RFX7: variants seen among roughly 807,000 people sequenced by gnomAD.
The protein encoded by RFX7 is DNA-binding protein RFX7.
Under a neutral mutation model 111.8 loss-of-function variants are expected in RFX7, and 26 were observed. The observed-to-expected ratio is 0.23, with a 90% confidence interval of 0.17 to 0.32. The LOEUF (loss-of-function observed/expected upper bound fraction) is 0.32, where lower values mean the gene tolerates loss of function less well. RFX7 is among the 10% of genes least tolerant of loss of function. RFX7 has a pLI of 1.00. For synonymous variants in RFX7, 624 were observed against 624.4 expected (o/e 1.00, Z 0.01); for missense variants, 1,573 against 1,772.9 (o/e 0.89, Z 2.02).
intron 2 of RFX7, among the ~76,000 whole-genome samples, chr15:56,202,171 C>T (rs893088636): frequency 7.2e-5 from 11 of 152,076 alleles, no homozygotes; most frequent in Non-Finnish European, 1.0e-4. Flanking sequence ...TATCACTTCG[C>T]GGGAGAAGTG....
intron 3 of RFX7, among the ~76,000 whole-genome samples, chr15:56,171,446 G>C (rs1156881915): frequency 6.6e-6 from 1 of 152,016 alleles, no homozygotes; most frequent in African/African-American, 2.4e-5. Flanking sequence ...CTACAAAAAA[G>C]AGCCCTGTCA....
chr15:56,183,544 T>C (rs553710857), intron 2 of RFX7, among the ~76,000 whole-genome samples: 1 of 152,302 alleles, frequency 6.6e-6, no homozygotes, highest in African/African-American at 2.4e-5. Context: ...AATCTTTTTC[T>C]GGGCCTTTTC....
chr15:56,219,474 G>C (rs1280723007), intron 2 of RFX7, among the ~76,000 whole-genome samples: 1 of 152,098 alleles, frequency 6.6e-6, no homozygotes, highest in Non-Finnish European at 1.5e-5. Flanking sequence ...TTGTTACCTA[G>C]GCAATAAGCA....
At position 56,093,830 on chromosome 15, in the gene RFX7, T is replaced by G; in HGVS notation, c.3898A>C (p.Asn1300His). ...ACAGAAGTGCTGGAATCGATCATAT[T>G]TTGTGGGTTGGCACTAGGAAAAACA... ...STVFPSANPQ[N>H]MIDSSTSVYE... Residue 1300 changes from asparagine to histidine, a missense_variant, in exon 10 of 10, where the codon AAT becomes CAT. Asn to His is a moderately conservative substitution (Grantham distance 68). Transcript: ENST00000559447. The G allele has an allele frequency of 6.2e-7, 1 of 1,613,922 alleles. No homozygotes were observed. Among genetic ancestry groups the G allele is most frequent in the Non-Finnish European group, 8.5e-7 (1 of 1,179,856 alleles).
In RFX7 at chr15:56,102,268, A is replaced by G. The variant is rs1267525240; in HGVS notation, c.519-15T>C. The G allele has an allele frequency of 2.0e-6, 3 of 1,508,620 alleles. No homozygotes were observed. The highest frequency in any genetic ancestry group is 2.7e-6 in the Non-Finnish European group (3 of 1,094,506). 93.5% of individuals were successfully genotyped at this position (1,508,620 alleles called of 1,614,324 possible). On this transcript the variant is annotated splice_polypyrimidine_tract_variant and intron_variant, in intron 6 of 9. Transcript: ENST00000559447. ...TGTAGCAATATGTAATAAACAGTTA[A>G]GGTCTAAATATTCAAAATTAAATGA...
chr15:56,101,235 G>A lies in RFX7; in HGVS notation c.811+124C>T, dbSNP rs75537804. On this transcript the variant is annotated intron_variant, in intron 8 of 9. Transcript: ENST00000559447. Reference sequence around the variant, plus strand: ...CCATCTGAATTTAGTGTTAAGCGGAGTAAGAGTGAACACATGCAAGTACTA... The same window carrying A: ...CCATCTGAATTTAGTGTTAAGCGGAATAAGAGTGAACACATGCAAGTACTA... 1.3e-4 allele frequency: 96 copies of A among 749,046 alleles called. No individual in the cohort carries two copies. The African/African-American group carries it at 1.4e-3, about 11-fold the overall frequency. 46.4% of individuals were successfully genotyped at this position (749,046 alleles called of 1,614,324 possible).
At chr15:56,191,842 T>G (rs905491961) in intron 2 of RFX7, among the ~76,000 whole-genome samples, 4 of 152,256 alleles carry the variant, frequency 2.6e-5, no homozygotes, top group African/African-American at 9.6e-5. Context: ...TAACATCTTA[T>G]GTTGTGCCCA....
rs1314591280 is a variant in RFX7, at chr15:56,091,083, A to G, written c.*2262T>C. Reference sequence around the variant, plus strand: ...TACAGGAATCCTAGTACTGTACAAGATAAGTCAATAACACTCATGCACATT... The same window carrying G: ...TACAGGAATCCTAGTACTGTACAAGGTAAGTCAATAACACTCATGCACATT... On this transcript the variant is annotated 3_prime_UTR_variant, in exon 10 of 10. Transcript: ENST00000559447. The G allele has an allele frequency of 1.3e-5, 2 of 152,540 alleles. No homozygotes were observed. Among genetic ancestry groups the G allele is most frequent in the Non-Finnish European group, 2.9e-5 (2 of 67,976 alleles). The allele number at this position is 152,540 out of a possible 1,614,324, so 9.4% of individuals were successfully genotyped here.
chr15:56,225,621 G>T (rs2043474482), intron 2 of RFX7, among the ~76,000 whole-genome samples: 1 of 152,070 alleles, frequency 6.6e-6, no homozygotes, highest in East Asian at 1.9e-4. Context: ...TAGAAGTTAG[G>T]AACTCCAAAA....
At chr15:56,108,299 C>T (rs531409416) in intron 5 of RFX7, among the ~76,000 whole-genome samples, 4 of 152,286 alleles carry the variant, frequency 2.6e-5, no homozygotes, top group Non-Finnish European at 5.9e-5. Flanking sequence ...CAAAAATCCT[C>T]AATAAAATAC....
chr15:56,235,575 G>T (rs1482957605), intron 2 of RFX7, among the ~76,000 whole-genome samples: 1 of 152,110 alleles, frequency 6.6e-6, no homozygotes, highest in Admixed American at 6.5e-5. Flanking sequence ...TAAATGGCAA[G>T]ACAATAGCCC....
chr15:56,103,495 A>G, intron 6 of RFX7, 59 bp downstream of exon 6: 1 of 1,061,914 alleles, frequency 9.4e-7, no homozygotes, highest in South Asian at 1.6e-5. Flanking sequence ...ACAACAATAG[A>G]TGTTCTATAA....
chr15:56,128,351 GA>G (rs1261949711), intron 5 of RFX7, among the ~76,000 whole-genome samples: 1 of 152,048 alleles, frequency 6.6e-6, no homozygotes, highest in Non-Finnish European at 1.5e-5. Flanking sequence ...CTGACAAACT[GA>G]AACTAGCTGC....
intron 4 of RFX7, among the ~76,000 whole-genome samples, chr15:56,143,312 T>C (rs887975726): frequency 3.0e-4 from 45 of 150,424 alleles, no homozygotes; most frequent in African/African-American, 7.8e-4. Context: ...TATACACACA[T>C]ATATATATAC....
At chr15:56,207,692 A>C (rs1393699136) in intron 2 of RFX7, among the ~76,000 whole-genome samples, 3 of 152,228 alleles carry the variant, frequency 2.0e-5, no homozygotes, top group African/African-American at 7.2e-5. Context: ...AAGACTGTTA[A>C]GCAGATTAAT....
In RFX7 at chr15:56,207,477, T is replaced by C. The variant is rs190665396; in HGVS notation, c.162-28174A>G. Among the ~76,000 whole-genome samples, 136 of 152,208 alleles carry C rather than the reference T, an allele frequency of 8.9e-4. 1 individual carries two copies. Among genetic ancestry groups the C allele is most frequent in the Admixed American group, 8.1e-3 (124 of 15,280 alleles). On this transcript the variant is annotated intron_variant, in intron 2 of 9. Transcript: ENST00000559447. ...TAATTAAAACAAATTTTTAAAAAATTAACATCAAGCTAAGCCTCATACCTT... is the reference window on the plus strand; with the variant it reads ...TAATTAAAACAAATTTTTAAAAAATCAACATCAAGCTAAGCCTCATACCTT...
In RFX7 at chr15:56,144,459, G is replaced by T. The variant is rs192584034; in HGVS notation, c.220C>A (p.Leu74Ile). The T allele has an allele frequency of 7.3e-7, 1 of 1,364,902 alleles. No individual in the cohort carries two copies. Among genetic ancestry groups the T allele is most frequent in the Non-Finnish European group, 9.8e-7 (1 of 1,019,644 alleles). The allele number at this position is 1,364,902 out of a possible 1,614,324, so 84.5% of individuals were successfully genotyped here. The change falls in exon 4 of 10, where the codon CTA becomes ATA. Residue 74 changes from leucine (L) to isoleucine (I), a missense_variant. By Grantham distance (5) the Leu-to-Ile change is conservative (BLOSUM62 2). Transcript: ENST00000559447. ...TGAAGGTAGAGGTAGAGTTTCTCTA[G>T]GTCTGTAAACTTCTCAACTTCTTGC... is the stretch of plus-strand genomic sequence containing the variant. ...ILQEVEKFTD[L>I]EKLYLYLQLP...
chr15:56,195,558 G>A lies in RFX7; in HGVS notation c.162-16255C>T, dbSNP rs909465407. ...TAGTCATTGTTCTTAGTACTTGCCT[G>A]CTCTTATGAATTTTAGAGACTCTAC... is the stretch of plus-strand genomic sequence containing the variant. On this transcript the variant is annotated intron_variant, in intron 2 of 9. Coordinates refer to ENST00000559447, the MANE Select transcript of RFX7 (RefSeq NM_022841.7). 3.9e-4 allele frequency among the ~76,000 whole-genome samples: 60 copies of A among 152,048 alleles called. 1 individual carries two copies. Among genetic ancestry groups the A allele is most frequent in the Non-Finnish European group, 6.9e-4 (47 of 67,988 alleles).
At chr15:56,099,892 A>C (rs2041730418) in intron 8 of RFX7, among the ~76,000 whole-genome samples, 1 of 152,190 alleles carries the variant, frequency 6.6e-6, no homozygotes. Flanking sequence ...TCATTCATTC[A>C]ATTCATTCAA....
Sources: allele counts gnomAD v4.1 joint callset (sites outside exome capture counted in the v4.1 genomes callset), GRCh38; gene constraint gnomAD v4.1.1; transcripts MANE v1.5; gene names NCBI Gene and HGNC (gene_info 2026-07-23, HGNC 2026-07-21).